NDUFB4: variants seen among roughly 807,000 people sequenced by gnomAD.
NDUFB4 encodes the protein NADH dehydrogenase [ubiquinone] 1 beta subcomplex subunit 4.
A neutral mutation model predicts 14.5 loss-of-function variants in NDUFB4; 10 were observed. The ratio of observed to expected loss-of-function variants is 0.69; its 90% CI spans 0.43 to 1.17. NDUFB4 has a LOEUF of 1.17. Among genes scored for constraint, NDUFB4 ranks in the 50% most tolerant of loss-of-function variants. The pLI, the probability that NDUFB4 is intolerant of heterozygous loss-of-function variation, is 0.00. For synonymous variants in NDUFB4, 65 were observed against 63.4 expected, an observed-to-expected ratio of 1.03 and a Z score of -0.12; for missense variants, 165 against 161.1, an observed-to-expected ratio of 1.02 and a Z score of -0.13.
intron 1 of NDUFB4, among the ~76,000 whole-genome samples, chr3:120,597,687 G>C (rs1402479425): frequency 6.6e-6 from 1 of 152,198 alleles, no homozygotes; most frequent in Non-Finnish European, 1.5e-5. Context: ...CTCTTTAGTA[G>C]GTGATAGAGC....
At chr3:120,601,564 T>C in intron 2 of NDUFB4, 1 of 1,201,186 alleles carries the variant, frequency 8.3e-7, no homozygotes, top group Admixed American at 4.3e-5. Flanking sequence ...ATTCTATTTA[T>C]GTTGGTCACA....
In NDUFB4 at chr3:120,601,262, G is replaced by A; in HGVS notation, c.327+5G>A. On this transcript the variant is annotated splice_donor_5th_base_variant and intron_variant, in intron 2 of 2. Coordinates refer to ENST00000184266, the MANE Select transcript of NDUFB4 (RefSeq NM_004547.6). ...TATATTATCAAAACTGAGAGGGTAAGTATTCAGACCAGATGTTTAGTATTT... is the reference window on the plus strand; with the variant it reads ...TATATTATCAAAACTGAGAGGGTAAATATTCAGACCAGATGTTTAGTATTT... 6.2e-7 allele frequency: 1 copy of A among 1,613,974 alleles called. No individual in the cohort carries two copies.
At chr3:120,598,084 A>T (rs1463592614) in intron 1 of NDUFB4, among the ~76,000 whole-genome samples, 2 of 146,842 alleles carry the variant, frequency 1.4e-5, no homozygotes, top group African/African-American at 5.1e-5. Context: ...ACAGGATCTT[A>T]CTCTGTCACC....
rs377434151 is a variant in NDUFB4 at position 120,602,289 on chromosome 3, T to G, written c.*19T>G. On this transcript the variant is annotated 3_prime_UTR_variant, in exon 3 of 3. Coordinates refer to ENST00000184266, the MANE Select transcript of NDUFB4 (RefSeq NM_004547.6). ...ATATTAAGTCTGGCAATGATGACTA[T>G]ATGTATTCCTGCCTAAATAAATCAT... 1.1e-5 allele frequency: 18 copies of G among 1,570,888 alleles called. No homozygotes were observed. The highest frequency in any genetic ancestry group is 1.6e-5 in the Non-Finnish European group (18 of 1,149,584).
At chr3:120,600,387 G>A (rs1158150329) in intron 1 of NDUFB4, among the ~76,000 whole-genome samples, 1 of 152,018 alleles carries the variant, frequency 6.6e-6, no homozygotes, top group Non-Finnish European at 1.5e-5. Flanking sequence ...TTAAATTTAT[G>A]TGTTTGTGGG....
rs1248816909 is a variant in NDUFB4 at position 120,596,460 on chromosome 3, C to G, written c.101C>G (p.Ala34Gly). 2 of 1,614,094 alleles carry G rather than the reference C, an allele frequency of 1.2e-6. No individual in the cohort carries two copies. The highest frequency in any genetic ancestry group is 2.2e-5 in the East Asian group (1 of 44,882). ...NISPETRRAQAERLAIRAQLK... is the reference protein window; with the variant it reads ...NISPETRRAQGERLAIRAQLK... ...TCTCCGGAAACCCGGCGGGCGCAAG[C>G]CGAGCGGTTGGCCATAAGAGCCCAG... The change falls in exon 1 of 3, where the codon GCC (alanine) becomes GGC (glycine). Residue 34 changes from alanine (A) to glycine (G), a missense_variant. Ala to Gly is a moderately conservative substitution (Grantham distance 60, BLOSUM62 0). Transcript: ENST00000184266.
intron 1 of NDUFB4, 134 bp downstream of exon 1, chr3:120,596,673 C>T (rs1418631594): frequency 9.9e-7 from 1 of 1,008,754 alleles, no homozygotes; most frequent in Non-Finnish European, 1.5e-6. Flanking sequence ...AGCCAACTCA[C>T]TACCCTTTTA....
chr3:120,598,407 G>C (rs182162556), intron 1 of NDUFB4, among the ~76,000 whole-genome samples: 2 of 152,042 alleles, frequency 1.3e-5, no homozygotes, highest in African/African-American at 4.8e-5. Flanking sequence ...ATTGCTCAGG[G>C]TCTGTTATGG....
At chr3:120,600,109 GTTTTTTTTTTTGTT>G (rs1940032252) in intron 1 of NDUFB4, among the ~76,000 whole-genome samples, 1 of 133,330 alleles carries the variant, frequency 7.5e-6, no homozygotes, top group South Asian at 2.6e-4. Flanking sequence ...CCATCATAAG[GTTTTTTTTTTTGTT>G]TTTTTTTTTT....
intron 1 of NDUFB4, among the ~76,000 whole-genome samples, chr3:120,597,819 C>T (rs1939990548): frequency 6.6e-6 from 1 of 152,142 alleles, no homozygotes; most frequent in South Asian, 2.1e-4. Context: ...TTATTACAAA[C>T]TCACATGATT....
At position 120,596,508 on chromosome 3, in the gene NDUFB4, A is replaced by G. The variant is rs1939957909; in HGVS notation, c.149A>G (p.Gln50Arg). 3 of 1,613,864 alleles carry G rather than the reference A, an allele frequency of 1.9e-6. No individual in the cohort carries two copies. The highest frequency in any genetic ancestry group is 1.7e-5 in the Admixed American group (1 of 59,982). Residue 50 changes from glutamine (Q) to arginine (R), a missense_variant, in exon 1 of 3, where the codon CAG becomes CGG. Transcript: ENST00000184266. The stretch of plus-strand genomic sequence containing the variant: ...CAGCTGAAACGAGAGTACCTGCTTC[A>G]GTACAACGATCCCAACCGCCGAGGG... Reference protein sequence around the residue: ...RAQLKREYLLQYNDPNRRGLI... With the variant: ...RAQLKREYLLRYNDPNRRGLI...
rs758236618 is a variant in NDUFB4 at position 120,596,344 on chromosome 3, G to A, written c.-16G>A. 8.1e-6 allele frequency: 13 copies of A among 1,613,558 alleles called. No homozygotes were observed. The East Asian group carries it at 2.7e-4, about 33-fold the overall frequency. The stretch of plus-strand genomic sequence containing the variant: ...CTCAGAATCGCGCAGGCGCAATTGT[G>A]CCCTGGTTCGCCAAGATGTCGTTCC... On this transcript the variant is annotated 5_prime_UTR_variant, in exon 1 of 3. Coordinates refer to ENST00000184266, the MANE Select transcript of NDUFB4 (RefSeq NM_004547.6).
intron 2 of NDUFB4, 67 bp downstream of exon 2, chr3:120,601,324 T>A: frequency 6.3e-7 from 1 of 1,598,708 alleles, no homozygotes; most frequent in Non-Finnish European, 8.5e-7. Context: ...CAGCTGCAGC[T>A]CCTTCTCTTG....
intron 1 of NDUFB4, among the ~76,000 whole-genome samples, chr3:120,597,293 T>G (rs1193967772): frequency 6.6e-6 from 1 of 151,972 alleles, no homozygotes; most frequent in Non-Finnish European, 1.5e-5. Context: ...AATTATAGTT[T>G]CCTGGTTTCG....
At chr3:120,601,747 C>G in intron 2 of NDUFB4, 2 of 1,018,688 alleles carry the variant, frequency 2.0e-6, no homozygotes, top group Non-Finnish European at 2.3e-6. Context: ...GCTGCAGCCC[C>G]CAGGCTTGTG....
chr3:120,596,723 AC>A, intron 1 of NDUFB4, 184 bp downstream of exon 1: 1 of 643,004 alleles, frequency 1.6e-6, no homozygotes, highest in Non-Finnish European at 2.6e-6. Context: ...CCGGCTCTGG[AC>A]TCAGACCTGG....
chr3:120,596,630 C>T, intron 1 of NDUFB4, 91 bp downstream of exon 1: 1 of 1,379,794 alleles, frequency 7.2e-7, no homozygotes, highest in South Asian at 1.3e-5. Context: ...CGCTCCCGAT[C>T]AGTATCTCAG....
At chr3:120,601,527 C>G (rs1056677590) in intron 2 of NDUFB4, 1 of 1,293,632 alleles carries the variant, frequency 7.7e-7, no homozygotes, top group Non-Finnish European at 9.8e-7. Flanking sequence ...ATACATAAAT[C>G]ATTTAGTACG....
At chr3:120,598,754 G>T (rs936709711) in intron 1 of NDUFB4, among the ~76,000 whole-genome samples, 8 of 152,130 alleles carry the variant, frequency 5.3e-5, no homozygotes, top group African/African-American at 1.9e-4. Context: ...GGGCCATTAG[G>T]CAGGAGAGTG....
Sources: allele counts gnomAD v4.1 joint callset (sites outside exome capture counted in the v4.1 genomes callset), GRCh38; gene constraint gnomAD v4.1.1; transcripts MANE v1.5; gene names NCBI Gene and HGNC (gene_info 2026-07-23, HGNC 2026-07-21).